Variants in EYS observed in about 807,000 individuals in gnomAD.
EYS encodes protein eyes shut homolog.
Under a neutral mutation model 282.1 loss-of-function variants are expected in EYS, and 250 were observed. The ratio of observed to expected loss-of-function variants is 0.89; its 90% CI spans 0.80 to 0.98. EYS has a LOEUF of 0.98. Among genes scored for constraint, EYS ranks in the 50% least tolerant of loss-of-function variants. EYS has a pLI of 0.00. For synonymous variants in EYS, 1,355 were observed against 1,282.9 expected (o/e 1.06, Z -1.20); for missense variants, 4,016 against 3,709.0 (o/e 1.08, Z -2.15).
At chr6:63,906,762 G>A (rs992917534) in intron 35 of EYS, among the ~76,000 whole-genome samples, 6 of 152,060 alleles carry the variant, frequency 3.9e-5, no homozygotes, top group African/African-American at 1.4e-4. Context: ...AGAATGATGA[G>A]GGTAAAACTG....
At chr6:65,450,441 A>G (rs181557699) in intron 5 of EYS, among the ~76,000 whole-genome samples, 178 of 152,312 alleles carry the variant, frequency 1.2e-3, no homozygotes, top group Middle Eastern at 3.4e-3. Flanking sequence ...GTTGAGACAG[A>G]GTTTAATGTA....
At chr6:64,146,326 T>G (rs1774517005) in intron 31 of EYS, among the ~76,000 whole-genome samples, 1 of 152,156 alleles carries the variant, frequency 6.6e-6, no homozygotes. Flanking sequence ...ACCAGAAGTG[T>G]GTGGGTTTAT....
At chr6:64,686,079 A>G (rs1457374291) in intron 22 of EYS, among the ~76,000 whole-genome samples, 1 of 151,060 alleles carries the variant, frequency 6.6e-6, no homozygotes, top group Admixed American at 6.6e-5. Context: ...GAGAAATTAG[A>G]AAATACTTTT....
intron 28 of EYS, among the ~76,000 whole-genome samples, chr6:64,411,978 T>C (rs1306240110): frequency 2.4e-5 from 2 of 82,914 alleles, no homozygotes; most frequent in East Asian, 6.0e-4. Flanking sequence ...TACAAGTATA[T>C]ATAAAATGAT....
intron 22 of EYS, among the ~76,000 whole-genome samples, chr6:64,764,798 G>C (rs1477661342): frequency 1.3e-5 from 2 of 152,146 alleles, no homozygotes; most frequent in Non-Finnish European, 2.9e-5. Flanking sequence ...GAGTGCAATG[G>C]TATGATCTTG....
chr6:64,740,028 T>G (rs890183017), intron 22 of EYS, among the ~76,000 whole-genome samples: 2 of 152,006 alleles, frequency 1.3e-5, no homozygotes, highest in Non-Finnish European at 2.9e-5. Context: ...AAAAATCTGG[T>G]GGGGGGTGTA....
At chr6:64,652,867 A>C (rs939329305) in intron 22 of EYS, among the ~76,000 whole-genome samples, 3 of 152,228 alleles carry the variant, frequency 2.0e-5, no homozygotes, top group Admixed American at 6.5e-5. Context: ...TATGTATAAA[A>C]TTCCGTGTGT....
chr6:64,166,658 G>C (rs1764299935), intron 31 of EYS, among the ~76,000 whole-genome samples: 1 of 152,090 alleles, frequency 6.6e-6, no homozygotes, highest in Non-Finnish European at 1.5e-5. Flanking sequence ...GGGCAAAGTT[G>C]GTGCTAATGA....
At chr6:64,099,453 G>A (rs1772749554) in intron 31 of EYS, among the ~76,000 whole-genome samples, 1 of 152,166 alleles carries the variant, frequency 6.6e-6, no homozygotes, top group African/African-American at 2.4e-5. Flanking sequence ...TAGCAAGGAT[G>A]AAATTATACC....
chr6:63,987,408 C>CAGA (rs1232493995), intron 34 of EYS, among the ~76,000 whole-genome samples: 1 of 151,650 alleles, frequency 6.6e-6, no homozygotes, highest in African/African-American at 2.4e-5. Flanking sequence ...GTGCATTGAC[C>CAGA]AGAATGATGC....
chr6:65,650,347 A>C (rs186430568), intron 1 of EYS, among the ~76,000 whole-genome samples: 1 of 152,332 alleles, frequency 6.6e-6, no homozygotes, highest in Admixed American at 6.5e-5. Context: ...TACTCATAAC[A>C]GATTCTCAGT....
rs1554163866 is a variant in EYS, at chr6:63,720,901, A to G, written c.9130T>C (p.Trp3044Arg). ...YNNGTFCCNK[W>R]HHVVVIQNQT... Reference sequence around the variant, plus strand: ...TTTTGAATTACAACTACATGGTGCCATTTATTACAACAGAATGTGCCATTG... The same window carrying G: ...TTTTGAATTACAACTACATGGTGCCGTTTATTACAACAGAATGTGCCATTG... Residue 3044 changes from tryptophan (W) to arginine (R), a missense_variant, in exon 43 of 43, where the codon TGG (tryptophan) becomes CGG (arginine). Transcript: ENST00000503581. 4 of 1,551,014 alleles carry G rather than the reference A, an allele frequency of 2.6e-6. No homozygotes were observed. Among genetic ancestry groups the G allele is most frequent in the Non-Finnish European group, 3.5e-6 (4 of 1,146,498 alleles).
intron 33 of EYS, among the ~76,000 whole-genome samples, chr6:64,016,316 C>G (rs567683000): frequency 6.6e-6 from 1 of 151,924 alleles, no homozygotes; most frequent in Admixed American, 6.6e-5. Context: ...CAGCAGCCAC[C>G]CTCTGAGATA....
In EYS at chr6:64,574,473, A is replaced by T. The variant is rs138393398; in HGVS notation, c.5644+15750T>A. Among the ~76,000 whole-genome samples, 301 of 152,288 alleles carry T rather than the reference A, an allele frequency of 2.0e-3. 1 individual carries two copies. The highest frequency in any genetic ancestry group is 6.8e-3 in the African/African-American group (281 of 41,578). ...ATTTTCAGTTAAGCTGTGGTTGAAT[A>T]CAAGAACCAACCACTTCCCCATGTA... On this transcript the variant is annotated intron_variant, in intron 26 of 42. Coordinates refer to ENST00000503581, the MANE Select transcript of EYS (RefSeq NM_001142800.2).
chr6:65,247,106 T>A (rs1343732306), intron 12 of EYS, among the ~76,000 whole-genome samples: 1 of 152,084 alleles, frequency 6.6e-6, no homozygotes, highest in Admixed American at 6.6e-5. Flanking sequence ...ATTATTGTTT[T>A]AACTAAGGCC....
chr6:64,917,796 A>G (rs192486879), intron 15 of EYS, among the ~76,000 whole-genome samples: 1 of 152,320 alleles, frequency 6.6e-6, no homozygotes, highest in East Asian at 1.9e-4. Context: ...TATGTTATAC[A>G]ACATAAATAT....
At chr6:64,422,506 A>G (rs906640303) in intron 28 of EYS, among the ~76,000 whole-genome samples, 3 of 152,216 alleles carry the variant, frequency 2.0e-5, no homozygotes, top group African/African-American at 7.2e-5. Context: ...TACTTGGTCA[A>G]TTGGAATGGC....
At chr6:64,721,386 G>A (rs1223657285) in intron 22 of EYS, among the ~76,000 whole-genome samples, 1 of 152,150 alleles carries the variant, frequency 6.6e-6, no homozygotes, top group Non-Finnish European at 1.5e-5. Context: ...AAATAAAAAG[G>A]AGGTGAGAGA....
At chr6:63,842,384 A>G (rs905363940) in intron 36 of EYS, among the ~76,000 whole-genome samples, 1 of 152,064 alleles carries the variant, frequency 6.6e-6, no homozygotes, top group African/African-American at 2.4e-5. Context: ...TTTTTCATAC[A>G]TCTGTTGCCT....
Sources: allele counts gnomAD v4.1 joint callset (sites outside exome capture counted in the v4.1 genomes callset), GRCh38; gene constraint gnomAD v4.1.1; transcripts MANE v1.5; gene names NCBI Gene and HGNC (gene_info 2026-07-23, HGNC 2026-07-21).